PARD3: variants seen among roughly 807,000 people sequenced by gnomAD.
PARD3 encodes par-3 family cell polarity regulator.
A neutral mutation model predicts 155.4 loss-of-function variants in PARD3; 75 were observed. That is an observed-to-expected ratio of 0.48 (90% CI 0.40 to 0.58). PARD3 has a LOEUF of 0.58. PARD3 is among the 20% of genes least tolerant of loss of function. The pLI, the probability that PARD3 is intolerant of heterozygous loss-of-function variation, is 0.00. For missense variants in PARD3, 1,642 were observed against 1,721.7 expected (o/e 0.95, Z 0.82); for synonymous variants, 576 against 610.5 (o/e 0.94, Z 0.83).
intron 7 of PARD3, among the ~76,000 whole-genome samples, chr10:34,392,796 C>A (rs1046945322): frequency 6.6e-5 from 10 of 151,930 alleles, no homozygotes; most frequent in African/African-American, 2.4e-4. Flanking sequence ...AAGTGGAAAT[C>A]AAAATCCTGT....
intron 2 of PARD3, among the ~76,000 whole-genome samples, chr10:34,517,647 T>A (rs954358198): frequency 6.6e-6 from 1 of 152,016 alleles, no homozygotes; most frequent in African/African-American, 2.4e-5. Flanking sequence ...ATACAAATAT[T>A]CCAGTTAGTA....
chr10:34,657,514 G>A (rs1744969846), intron 2 of PARD3, among the ~76,000 whole-genome samples: 1 of 148,954 alleles, frequency 6.7e-6, no homozygotes, highest in African/African-American at 2.5e-5. Flanking sequence ...TCACCTTTCT[G>A]CTTCTCAGTT....
At chr10:34,489,902 G>T (rs143127682) in intron 3 of PARD3, among the ~76,000 whole-genome samples, 13 of 152,330 alleles carry the variant, frequency 8.5e-5, no homozygotes, top group African/African-American at 2.6e-4. Context: ...TTACAGGTAT[G>T]AAGACTTGGT....
chr10:34,532,165 C>T (rs909886059), intron 2 of PARD3, among the ~76,000 whole-genome samples: 1 of 152,128 alleles, frequency 6.6e-6, no homozygotes, highest in Non-Finnish European at 1.5e-5. Context: ...CTTCTTGTAA[C>T]AGATTTTTGT....
intron 1 of PARD3, among the ~76,000 whole-genome samples, chr10:34,763,255 T>C (rs1203235893): frequency 6.6e-6 from 1 of 152,268 alleles, no homozygotes; most frequent in African/African-American, 2.4e-5. Flanking sequence ...TATAATTTTC[T>C]GAGCCTTGAG....
chr10:34,536,741 C>T (rs505537), intron 2 of PARD3, among the ~76,000 whole-genome samples: 56,181 of 152,014 alleles, frequency 0.37, 10,748 homozygotes, highest in South Asian at 0.45. Flanking sequence ...TGAACCTTTA[C>T]AGTGGTACCT....
chr10:34,194,045 C>T (rs61840194), intron 22 of PARD3, among the ~76,000 whole-genome samples: 154 of 152,214 alleles, frequency 1.0e-3, no homozygotes, highest in African/African-American at 1.7e-3. Flanking sequence ...TTTATCTCTC[C>T]GATTTCACTG....
At chr10:34,630,877 C>T (rs1482862543) in intron 2 of PARD3, among the ~76,000 whole-genome samples, 1 of 151,798 alleles carries the variant, frequency 6.6e-6, no homozygotes, top group East Asian at 1.9e-4. Context: ...TGCAGTGGCG[C>T]AATCATATTT....
chr10:34,689,709 CAGA>C (rs1416017328), intron 2 of PARD3, among the ~76,000 whole-genome samples: 2 of 151,992 alleles, frequency 1.3e-5, no homozygotes, highest in East Asian at 1.9e-4. Flanking sequence ...ATCAAATTCG[CAGA>C]AGGATACAAA....
rs182229656 is a variant in PARD3 at position 34,690,619 on chromosome 10, G to C, written c.222+5699C>G. ...GTGCAACAACCAAACTTCCACAACA[G>C]GTTATTCCAAGCCATGCACCAGGGC... On this transcript the variant is annotated intron_variant, in intron 2 of 24. Transcript: ENST00000374788. Among the ~76,000 whole-genome samples the C allele has an allele frequency of 4.5e-4, 68 of 152,196 alleles. No homozygotes were observed. The East Asian group carries it at 0.011, about 24-fold the overall frequency.
At chr10:34,647,314 C>T (rs901252712) in intron 2 of PARD3, among the ~76,000 whole-genome samples, 1 of 152,138 alleles carries the variant, frequency 6.6e-6, no homozygotes, top group Non-Finnish European at 1.5e-5. Context: ...AAGAGCACAC[C>T]GCACACAGTA....
chr10:34,212,718 G>A (rs1375732984), intron 22 of PARD3, among the ~76,000 whole-genome samples: 1 of 152,108 alleles, frequency 6.6e-6, no homozygotes, highest in Non-Finnish European at 1.5e-5. Context: ...CTGTGGAGCA[G>A]CTTGAAAAGC....
At chr10:34,307,543 G>C (rs918926497) in intron 20 of PARD3, among the ~76,000 whole-genome samples, 4 of 152,144 alleles carry the variant, frequency 2.6e-5, no homozygotes, top group African/African-American at 9.7e-5. Context: ...CTGGTCTGAG[G>C]GTGAAGAGTG....
Position 34,612,589 on chromosome 10 carries a change from T to C in PARD3, c.222+83729A>G, listed in dbSNP as rs148858528. ...GCTCCTTAGGAATTTCACCCAACTT[T>C]GGCAAAGCCATGTGAACCTTGATGA... On this transcript the variant is annotated intron_variant, in intron 2 of 24. Coordinates refer to ENST00000374788, the MANE Select transcript of PARD3 (RefSeq NM_001184785.2). Among the ~76,000 whole-genome samples, 544 of 152,362 alleles carry C rather than the reference T, an allele frequency of 3.6e-3. 4 individuals are homozygous for C. The highest frequency in any genetic ancestry group is 0.012 in the African/African-American group (510 of 41,584).
chr10:34,192,412 A>G (rs1473625148), intron 22 of PARD3, among the ~76,000 whole-genome samples: 1 of 152,000 alleles, frequency 6.6e-6, no homozygotes, highest in African/African-American at 2.4e-5. Flanking sequence ...TTGTTTTTCT[A>G]TCTGCCCTTT....
intron 1 of PARD3, among the ~76,000 whole-genome samples, chr10:34,804,791 T>C (rs575116840): frequency 1.3e-5 from 2 of 152,304 alleles, no homozygotes; most frequent in East Asian, 3.9e-4. Context: ...ATTTGTATTG[T>C]CTATGTAAAA....
chr10:34,545,406 A>C (rs766099089), intron 2 of PARD3, among the ~76,000 whole-genome samples: 5 of 152,250 alleles, frequency 3.3e-5, no homozygotes, highest in African/African-American at 1.2e-4. Context: ...GCCCCAAAGC[A>C]CTTGTCAACA....
At chr10:34,253,911 G>C (rs767481298) in intron 22 of PARD3, among the ~76,000 whole-genome samples, 1 of 152,074 alleles carries the variant, frequency 6.6e-6, no homozygotes, top group Non-Finnish European at 1.5e-5. Flanking sequence ...GTGGTATGAC[G>C]GGCAGCAGAG....
intron 20 of PARD3, among the ~76,000 whole-genome samples, chr10:34,298,811 A>C (rs1395519617): frequency 6.6e-6 from 1 of 152,208 alleles, no homozygotes; most frequent in Non-Finnish European, 1.5e-5. Flanking sequence ...TGGTTGAATA[A>C]AAAGGAGGTG....
Sources: allele counts gnomAD v4.1 joint callset (sites outside exome capture counted in the v4.1 genomes callset), GRCh38; gene constraint gnomAD v4.1.1; transcripts MANE v1.5; gene names NCBI Gene and HGNC (gene_info 2026-07-23, HGNC 2026-07-21).